Variants in ARID5A observed in about 807,000 individuals in gnomAD.
The protein encoded by ARID5A is AT-rich interactive domain-containing protein 5A.
In ARID5A, 14 loss-of-function variants were observed where a neutral mutation model predicts 30.5. The ratio of observed to expected loss-of-function variants is 0.46; its 90% CI spans 0.30 to 0.72. ARID5A has a LOEUF of 0.72. Ranked by LOEUF, ARID5A falls within the 30% of genes least tolerant of loss-of-function variation. The pLI is 0.07. For missense variants in ARID5A, 669 were observed against 786.2 expected (o/e 0.85, Z 1.78); for synonymous variants, 338 against 340.4 (o/e 0.99, Z 0.08).
At chr2:96,538,131 T>C in intron 1 of ARID5A, 5 of 985,380 alleles carry the variant, frequency 5.1e-6, no homozygotes, top group Non-Finnish European at 6.0e-6. Flanking sequence ...AGAAAGGGCC[T>C]CCGATAATCT....
chr2:96,549,639 C>A lies in ARID5A; in HGVS notation c.260-114C>A. The A allele has an allele frequency of 6.5e-7, 1 of 1,541,382 alleles. No individual in the cohort carries two copies. Among genetic ancestry groups the A allele is most frequent in the South Asian group, 1.1e-5 (1 of 88,746 alleles). ...CAGCCTGCCCGTCTATTGCAGTGGC[C>A]CTGGCTGGGTGTGTGCTGGTCTGTG... is the stretch of plus-strand genomic sequence containing the variant. On this transcript the variant is annotated intron_variant, in intron 3 of 6. Coordinates refer to ENST00000357485, the MANE Select transcript of ARID5A (RefSeq NM_212481.3). This position sits in a 1 kb window ranked among gnomAD's most constrained non-coding sequence, Gnocchi z 6.1.
Position 96,552,238 on chromosome 2 carries a change from C to G in ARID5A, c.1710C>G (p.Ala570=). The G allele has an allele frequency of 6.2e-7, 1 of 1,613,450 alleles. No individual in the cohort carries two copies. The highest frequency in any genetic ancestry group is 8.5e-7 in the Non-Finnish European group (1 of 1,179,932). Residue 570 remains alanine, a synonymous_variant, in exon 7 of 7, where the codon GCC becomes GCG. Coordinates refer to ENST00000357485, the MANE Select transcript of ARID5A (RefSeq NM_212481.3). ...CCCTCCGCCACAGACTTTGCCCGGC[C>G]TCATCTGCCTGGCACGCACCACCAG... ...DSALRHRLCP[A]SSAWHAPPVT...
At chr2:96,545,921 T>G (rs189560137) in intron 1 of ARID5A, among the ~76,000 whole-genome samples, 5 of 151,076 alleles carry the variant, frequency 3.3e-5, no homozygotes, top group Non-Finnish European at 5.9e-5. Flanking sequence ...GCCACTGCAC[T>G]CCAGCCTGGG....
intron 1 of ARID5A, among the ~76,000 whole-genome samples, chr2:96,545,722 G>A (rs1371133667): frequency 9.2e-5 from 14 of 152,004 alleles, no homozygotes; most frequent in Middle Eastern, 3.4e-3. Flanking sequence ...TTGGGAGGCC[G>A]AGGTGGGTGG....
rs1487965066 is a variant in ARID5A, at chr2:96,549,942, G to A, written c.312+137G>A. On this transcript the variant is annotated intron_variant, in intron 4 of 6. Transcript: ENST00000357485. This position sits in a 1 kb window ranked among gnomAD's most constrained non-coding sequence, Gnocchi z 6.1. The stretch of plus-strand genomic sequence containing the variant: ...GCGTCCCTGCCTCCCTGCCTTCCCC[G>A]CTGGTACTCTGCTGCTCAAAGCAGC... The A allele has an allele frequency of 1.2e-5, 18 of 1,527,900 alleles. No homozygotes were observed. The highest frequency in any genetic ancestry group is 1.5e-5 in the Non-Finnish European group (17 of 1,136,806). The allele number at this position is 1,527,900 out of a possible 1,614,324, so 94.6% of individuals were successfully genotyped here.
At position 96,550,243 on chromosome 2, in the gene ARID5A, G is replaced by A; in HGVS notation, c.368G>A (p.Gly123Asp). ...NVYDELGGSP[G>D]STSAATCTRR... ...TACGACGAGCTGGGGGGCAGCCCAG[G>A]CAGCACCAGCGCGGCCACGTGCACG... Residue 123 changes from glycine to aspartate, a missense_variant, in exon 5 of 7, where the codon GGC becomes GAC. Physicochemically the swap from Gly to Asp is moderately conservative, Grantham distance 94. Around this residue, in one of 4 missense-constraint regions of ARID5A, gnomAD observed 64 missense variants for 119.7 expected, o/e 0.53. Coordinates refer to ENST00000357485, the MANE Select transcript of ARID5A (RefSeq NM_212481.3). This position sits in a 1 kb window ranked among gnomAD's most constrained non-coding sequence, Gnocchi z 6.6. 1 of 1,518,920 alleles carries A rather than the reference G, an allele frequency of 6.6e-7. No individual in the cohort carries two copies. 94.1% of individuals were successfully genotyped at this position (1,518,920 alleles called of 1,614,324 possible).
chr2:96,544,677 A>G (rs1327488341), intron 1 of ARID5A, among the ~76,000 whole-genome samples: 2 of 152,250 alleles, frequency 1.3e-5, no homozygotes, highest in African/African-American at 4.8e-5. Context: ...ATGAAAATGT[A>G]CCAGGAGCTG....
chr2:96,544,995 A>AAG (rs2065902040), intron 1 of ARID5A, among the ~76,000 whole-genome samples: 3 of 152,206 alleles, frequency 2.0e-5, no homozygotes, highest in South Asian at 4.1e-4. Flanking sequence ...TGGAACCAGC[A>AAG]AGAGAACTAG....
In ARID5A at chr2:96,550,016, C is replaced by T. The variant is rs1403005351; in HGVS notation, c.313-172C>T. ...TGCCCGCCCCGTGTTGGGAAAACTG[C>T]TTGGGCCAGCAGTCCATGGCCCTAG... On this transcript the variant is annotated intron_variant, in intron 4 of 6. Coordinates refer to ENST00000357485, the MANE Select transcript of ARID5A (RefSeq NM_212481.3). This position sits in a 1 kb window ranked among gnomAD's most constrained non-coding sequence, Gnocchi z 6.6. The T allele has an allele frequency of 1.3e-6, 2 of 1,533,718 alleles. No homozygotes were observed. The highest frequency in any genetic ancestry group is 1.2e-5 in the South Asian group (1 of 83,066).
Position 96,547,437 on chromosome 2 carries a change from G to A in ARID5A, c.40G>A (p.Glu14Lys), listed in dbSNP as rs2065948366. 1.2e-6 allele frequency: 2 copies of A among 1,613,850 alleles called. No individual in the cohort carries two copies. The highest frequency in any genetic ancestry group is 1.7e-6 in the Non-Finnish European group (2 of 1,180,000). Residue 14 changes from glutamate to lysine, a missense_variant, in exon 2 of 7, where the codon GAG becomes AAG. This residue lies in a region of ARID5A where 56 missense variants were observed against 72.8 expected (regional missense o/e 0.77). Transcript: ENST00000357485. The stretch of plus-strand genomic sequence containing the variant: ...CAAAGGGAACAGGAAGCAGTCCACG[G>A]AGGGTGACGCCCTAGACCCACCTGC... ...PVKGNRKQST[E>K]GDALDPPASP...
intron 1 of ARID5A, among the ~76,000 whole-genome samples, chr2:96,542,028 C>T (rs1329903886): frequency 6.6e-6 from 1 of 152,212 alleles, no homozygotes; most frequent in Non-Finnish European, 1.5e-5. Flanking sequence ...CTGCCTGGCT[C>T]CCAGCTCTCT....
rs975802077 is a variant in ARID5A, at chr2:96,537,726, G to C, written c.4+896G>C. 2.6e-6 allele frequency: 1 copy of C among 390,020 alleles called. No individual in the cohort carries two copies. The highest frequency in any genetic ancestry group is 2.2e-5 in the African/African-American group (1 of 45,908). The allele number at this position is 390,020 out of a possible 1,614,324, so 24.2% of individuals were successfully genotyped here. ...GAGCTGCGGGCCAACCCGGGCCCGCGCTCCGTCCCTCCGCGGTGTCTAGGG... is the reference window on the plus strand; with the variant it reads ...GAGCTGCGGGCCAACCCGGGCCCGCCCTCCGTCCCTCCGCGGTGTCTAGGG... On this transcript the variant is annotated intron_variant, in intron 1 of 6. Transcript: ENST00000357485. This position sits in a 1 kb window ranked among gnomAD's most constrained non-coding sequence, Gnocchi z 4.8.
chr2:96,538,677 G>T (rs957059918), intron 1 of ARID5A, among the ~76,000 whole-genome samples: 1 of 152,256 alleles, frequency 6.6e-6, no homozygotes. Context: ...CGCTTCAAAG[G>T]CTGTCTTTGT....
chr2:96,549,566 AAGG>A lies in ARID5A; in HGVS notation c.259+111_259+113del. 6.6e-7 allele frequency: 1 copy of A among 1,511,214 alleles called. No homozygotes were observed. Among genetic ancestry groups the A allele is most frequent in the Non-Finnish European group, 9.1e-7 (1 of 1,103,198 alleles). 93.6% of individuals were successfully genotyped at this position (1,511,214 alleles called of 1,614,324 possible). On this transcript the variant is annotated intron_variant, in intron 3 of 6. Transcript: ENST00000357485. This position sits in a 1 kb window ranked among gnomAD's most constrained non-coding sequence, Gnocchi z 6.1. ...CTGGGTGACCCAGGTTGCAGATAGA[AAGG>A]AGGCCTCCCTCCAGGCTGCCACTGG...
chr2:96,551,921 T>G lies in ARID5A; in HGVS notation c.1393T>G (p.Phe465Val). The G allele has an allele frequency of 6.5e-7, 1 of 1,527,222 alleles. No homozygotes were observed. 94.6% of individuals were successfully genotyped at this position (1,527,222 alleles called of 1,614,324 possible). Residue 465 changes from phenylalanine (F) to valine (V), a missense_variant, in exon 7 of 7, where the codon TTT (phenylalanine) becomes GTT (valine). By Grantham distance (50) the Phe-to-Val change is conservative. This residue lies in a region of ARID5A where 548 missense variants were observed against 577.4 expected (regional missense o/e 0.95). Transcript: ENST00000357485. ...SGKRLRAVSP[F>V]LKEADAKKCG... is the part of the protein sequence containing the mutation. ...GAAGAGACTGCGGGCCGTGTCTCCC[T>G]TTCTTAAGGAGGCGGATGCCAAGAA...
chr2:96,546,633 G>A (rs1319078153), intron 1 of ARID5A, among the ~76,000 whole-genome samples: 1 of 152,246 alleles, frequency 6.6e-6, no homozygotes. Context: ...CGAGGGAGGA[G>A]CTGCCCGTGG....
intron 1 of ARID5A, among the ~76,000 whole-genome samples, chr2:96,545,309 A>G (rs2065910227): frequency 6.6e-6 from 1 of 151,560 alleles, no homozygotes; most frequent in South Asian, 2.1e-4. Flanking sequence ...GGGACCTGCC[A>G]CCACACCCAG....
At chr2:96,547,288 G>A (rs760439738) in intron 1 of ARID5A, 114 bp from the exon 2 acceptor site, 9 of 852,714 alleles carry the variant, frequency 1.1e-5, no homozygotes, top group East Asian at 2.8e-5. Flanking sequence ...CTGCACTGGC[G>A]CCCTCTGGCA....
At chr2:96,538,129 C>T (rs2065775300) in intron 1 of ARID5A, 7 of 985,476 alleles carry the variant, frequency 7.1e-6, no homozygotes, top group Non-Finnish European at 8.4e-6. Flanking sequence ...GTAGAAAGGG[C>T]CTCCGATAAT....
Sources: allele counts gnomAD v4.1 joint callset (sites outside exome capture counted in the v4.1 genomes callset), GRCh38; gene constraint gnomAD v4.1.1; regional missense constraint gnomAD v4.1.1; non-coding constraint Gnocchi (gnomAD v3.1); transcripts MANE v1.5; gene names NCBI Gene and HGNC (gene_info 2026-07-23, HGNC 2026-07-21).